The following LTBP4 variants were observed in gnomAD, a reference collection of about 807,000 sequenced individuals.
LTBP4 encodes latent-transforming growth factor beta-binding protein 4.
LTBP4 carries 93 observed loss-of-function variants against 180.2 expected under a neutral mutation model. The ratio of observed to expected loss-of-function variants is 0.52; its 90% confidence interval spans 0.44 to 0.61. The LOEUF is 0.61. Ranked by LOEUF, LTBP4 falls within the 20% of genes least tolerant of loss-of-function variation. The probability of loss-of-function intolerance (pLI) is 0.00; values close to 1 mark genes in which losing one functional copy is unlikely to be tolerated. For missense variants in LTBP4, 2,116 were observed against 2,256.5 expected (o/e 0.94, Z 1.26); for synonymous variants, 947 against 934.5 (o/e 1.01, Z -0.24).
chr19:40,599,835 A>G, upstream of LTBP4: 1 of 555,916 alleles, frequency 1.8e-6, no homozygotes, highest in Non-Finnish European at 3.2e-6. Flanking sequence ...GCCTGCCTCT[A>G]TGTCTAAGTC....
chr19:40,599,993 C>T (rs1163077019), upstream of LTBP4: 13 of 743,144 alleles, frequency 1.7e-5, no homozygotes, highest in Non-Finnish European at 2.3e-5. Context: ...AAGACATTTT[C>T]CTGGCATGGA....
At position 40,623,477 on chromosome 19, in the gene LTBP4, T is replaced by C; in HGVS notation, c.3557-127T>C. Reference sequence around the variant, plus strand: ...GGCATGAGCCACCGCTCCTGGCCTCTCCATCTTTCTTTCCCTGTCTCTACT... The same window carrying C: ...GGCATGAGCCACCGCTCCTGGCCTCCCCATCTTTCTTTCCCTGTCTCTACT... On this transcript the variant is annotated intron_variant, in intron 24 of 29. Transcript: ENST00000396819. 6 of 1,236,988 alleles carry C rather than the reference T, an allele frequency of 4.9e-6. No individual in the cohort carries two copies. In the South Asian group the frequency reaches 7.4e-5, roughly 15 times the overall value. The allele number at this position is 1,236,988 out of a possible 1,614,324, so 76.6% of individuals were successfully genotyped here. A position where few individuals can be genotyped will look rare whatever the true frequency, so the allele number is the denominator to read the frequency against.
Position 40,606,439 on chromosome 19 carries a change from C to T in LTBP4, c.904C>T (p.His302Tyr), listed in dbSNP as rs1163798607. 1 of 1,590,196 alleles carries T rather than the reference C, an allele frequency of 6.3e-7. No homozygotes were observed. Among genetic ancestry groups the T allele is most frequent in the South Asian group, 1.1e-5 (1 of 87,770 alleles). Residue 302 changes from histidine (H) to tyrosine (Y), a missense_variant, in exon 6 of 30, where the codon CAC (histidine) becomes TAC (tyrosine). By Grantham distance (83) the His-to-Tyr change is moderately conservative. Transcript: ENST00000396819. Reference sequence around the variant, plus strand: ...GTGCGCGACTGGCGGGCGCTGCCAGCACGGCGAGTGTGCAAACACGCGCGG... The same window carrying T: ...GTGCGCGACTGGCGGGCGCTGCCAGTACGGCGAGTGTGCAAACACGCGCGG... ...DECATGGRCQ[H>Y]GECANTRGGY...
In LTBP4 at chr19:40,629,394, A is replaced by C. The variant is rs113210803; in HGVS notation, c.4520-2A>C. 6.2e-7 allele frequency: 1 copy of C among 1,612,764 alleles called. No individual in the cohort carries two copies. Among genetic ancestry groups the C allele is most frequent in the Non-Finnish European group, 8.5e-7 (1 of 1,179,592 alleles). On this transcript the variant is annotated splice_acceptor_variant, in intron 29 of 29. Coordinates refer to ENST00000396819, the MANE Select transcript of LTBP4 (RefSeq NM_001042545.2). LOFTEE classifies it high-confidence loss of function. This position sits in a 1 kb window ranked among gnomAD's most constrained non-coding sequence, Gnocchi z 4.5. ...GCAGCGATCGTTGTCTCCCCTCCGCAGACATCAACGAGTGTGATGAGGCCG... is the reference window on the plus strand; with the variant it reads ...GCAGCGATCGTTGTCTCCCCTCCGCCGACATCAACGAGTGTGATGAGGCCG...
rs138823866 is a variant in LTBP4, at chr19:40,611,479, G to T, written c.2053+85G>T. 2.0e-6 allele frequency: 3 copies of T among 1,518,024 alleles called. No homozygotes were observed. Among genetic ancestry groups the T allele is most frequent in the Admixed American group, 3.8e-5 (2 of 51,986 alleles). 94.0% of individuals were successfully genotyped at this position (1,518,024 alleles called of 1,614,324 possible). A position where few individuals can be genotyped will look rare whatever the true frequency, so the allele number is the denominator to read the frequency against. ...TTATTGAGGGGCAGAGAGGCAGAGT[G>T]ATGGGGCTCAGGGATGGAGAACAGG... On this transcript the variant is annotated intron_variant, in intron 13 of 29. Coordinates refer to ENST00000396819, the MANE Select transcript of LTBP4 (RefSeq NM_001042545.2). This position sits in a 1 kb window ranked among gnomAD's most constrained non-coding sequence, Gnocchi z 4.4.
At position 40,610,572 on chromosome 19, in the gene LTBP4, C is replaced by T; in HGVS notation, c.1725C>T (p.Leu575=). The T allele has an allele frequency of 6.3e-7, 1 of 1,593,250 alleles. No individual in the cohort carries two copies. The highest frequency in any genetic ancestry group is 8.5e-7 in the Non-Finnish European group (1 of 1,175,844). ...ACCGCGTGCCGCCGCCGTGTGACCT[C>T]GGGCGCTGCGAGAACACGCCAGGCA... The part of the protein sequence containing the change: ...ECHRVPPPCD[L]GRCENTPGSF... The change falls in exon 12 of 30, where the codon CTC becomes CTT. Residue 575 remains leucine (L), a synonymous_variant. Transcript: ENST00000396819.
At position 40,610,483 on chromosome 19, in the gene LTBP4, C is replaced by T. The variant is rs765781362; in HGVS notation, c.1685-49C>T. On this transcript the variant is annotated intron_variant, in intron 11 of 29. Coordinates refer to ENST00000396819, the MANE Select transcript of LTBP4 (RefSeq NM_001042545.2). ...CTACCCCTGCCTCCTTGCGTCGCTT[C>T]TCCCGGGGCTGTCTGCCCCAGTCCC... is the stretch of plus-strand genomic sequence containing the variant. The T allele has an allele frequency of 1.3e-6, 2 of 1,554,162 alleles. 1 individual carries two copies. Among genetic ancestry groups the T allele is most frequent in the Non-Finnish European group, 1.7e-6 (2 of 1,151,056 alleles).
chr19:40,622,339 C>T lies in LTBP4; in HGVS notation c.3218-62C>T. On this transcript the variant is annotated intron_variant, in intron 22 of 29. Coordinates refer to ENST00000396819, the MANE Select transcript of LTBP4 (RefSeq NM_001042545.2). This position sits in a 1 kb window ranked among gnomAD's most constrained non-coding sequence, Gnocchi z 5.1. Reference sequence around the variant, plus strand: ...TCTATGCCAGCCTCAGTTTCCCCATCTATGATAGTGGCGGGGCTGGGGATT... The same window carrying T: ...TCTATGCCAGCCTCAGTTTCCCCATTTATGATAGTGGCGGGGCTGGGGATT... 1 of 1,452,148 alleles carries T rather than the reference C, an allele frequency of 6.9e-7. No individual in the cohort carries two copies. Among genetic ancestry groups the T allele is most frequent in the East Asian group, 2.5e-5 (1 of 39,808 alleles). 90.0% of individuals were successfully genotyped at this position (1,452,148 alleles called of 1,614,324 possible).
chr19:40,606,492 C>T lies in LTBP4; in HGVS notation c.957C>T (p.Gly319=). 3.2e-6 allele frequency: 5 copies of T among 1,574,980 alleles called. No individual in the cohort carries two copies. The highest frequency in any genetic ancestry group is 4.3e-6 in the Non-Finnish European group (5 of 1,161,522). ...GGTACACGTGTGTGTGCCCCGACGG[C>T]TTTCTGCTCGACTCGTCCCGCAGCA... ...RGGYTCVCPD[G]FLLDSSRSSC... The change falls in exon 6 of 30, where the codon GGC becomes GGT. Residue 319 remains glycine (G), a synonymous_variant. Coordinates refer to ENST00000396819, the MANE Select transcript of LTBP4 (RefSeq NM_001042545.2).
Position 40,608,471 on chromosome 19 carries a change from C to A in LTBP4, c.1307-13C>A. On this transcript the variant is annotated splice_polypyrimidine_tract_variant and intron_variant, in intron 8 of 29. Transcript: ENST00000396819. ...GATTTGGGCTCCACTCGTTGATACCCCTTCTTTATCAGGCTTTCTGCCCAC... is the reference window on the plus strand; with the variant it reads ...GATTTGGGCTCCACTCGTTGATACCACTTCTTTATCAGGCTTTCTGCCCAC... The A allele has an allele frequency of 6.3e-7, 1 of 1,597,400 alleles. No individual in the cohort carries two copies. Among genetic ancestry groups the A allele is most frequent in the Non-Finnish European group, 8.5e-7 (1 of 1,172,316 alleles).
At chr19:40,615,915 C>T (rs1422173170) in intron 19 of LTBP4, among the ~76,000 whole-genome samples, 3 of 152,134 alleles carry the variant, frequency 2.0e-5, no homozygotes, top group Non-Finnish European at 4.4e-5. Flanking sequence ...ATACGTATAA[C>T]ATCAGGTTTA....
At chr19:40,600,847 C>T (rs550402967), upstream of LTBP4, among the ~76,000 whole-genome samples, 16 of 152,236 alleles carry the variant, frequency 1.1e-4, no homozygotes, top group East Asian at 2.3e-3. The surrounding 1 kb of genome is among the most constrained non-coding windows in gnomAD (Gnocchi z 4.4). Flanking sequence ...CCTCCAGCCT[C>T]CTGCCCAGGA....
At chr19:40,623,174 C>CTTTTTTTTT (rs11376199) in intron 24 of LTBP4, among the ~76,000 whole-genome samples, 153 bp downstream of exon 24, 2 of 138,372 alleles carry the variant, frequency 1.4e-5, no homozygotes, top group Non-Finnish European at 1.5e-5. Context: ...TCTTTTCTTT[C>CTTTTTTTTT]TTTTTTTTTT....
At chr19:40,597,509 A>T, upstream of LTBP4, 1 of 1,077,048 alleles carries the variant, frequency 9.3e-7, no homozygotes. Context: ...GGGCCCTTGG[A>T]TTTATTAGGC....
At chr19:40,620,848 G>A (rs149103567) in intron 22 of LTBP4, among the ~76,000 whole-genome samples, 43 of 150,678 alleles carry the variant, frequency 2.9e-4, no homozygotes, top group African/African-American at 1.0e-3. Context: ...GGGGATACAT[G>A]TGCAGGCTTT....
At chr19:40,619,846 G>T (rs1344620410) in intron 22 of LTBP4, among the ~76,000 whole-genome samples, 1 of 152,226 alleles carries the variant, frequency 6.6e-6, no homozygotes, top group East Asian at 1.9e-4. Context: ...ACAACCCAGA[G>T]AAATCAACAA....
intron 11 of LTBP4, chr19:40,610,177 C>T: frequency 2.0e-6 from 1 of 504,520 alleles, no homozygotes; most frequent in Non-Finnish European, 3.5e-6. Flanking sequence ...TAACTCCCTC[C>T]CCCAGGCCCC....
At chr19:40,604,451 C>G (rs2081444699) in intron 1 of LTBP4, among the ~76,000 whole-genome samples, 2 of 152,098 alleles carry the variant, frequency 1.3e-5, no homozygotes, top group South Asian at 2.1e-4. Context: ...CAAAGGGTTC[C>G]GTCGGACTAC....
At chr19:40,621,335 C>T (rs535169520) in intron 22 of LTBP4, among the ~76,000 whole-genome samples, 1 of 152,234 alleles carries the variant, frequency 6.6e-6, no homozygotes, top group Non-Finnish European at 1.5e-5. Context: ...CCATGAGTAC[C>T]CACTGTTTAG....
Sources: gnomAD v4.1 joint callset for allele counts (sites outside exome capture counted in the v4.1 genomes callset) on GRCh38, gnomAD v4.1.1 for gene constraint, Gnocchi (gnomAD v3.1) non-coding constraint, MANE v1.5 for transcripts, NCBI Gene and HGNC (gene_info 2026-07-23, HGNC 2026-07-21) for gene names.